DPP10: variants seen among roughly 807,000 people sequenced by gnomAD.
DPP10 encodes the protein inactive dipeptidyl peptidase 10.
Under a neutral mutation model 120.9 loss-of-function variants are expected in DPP10, and 33 were observed. That is an observed-to-expected ratio of 0.27 (90% CI 0.21 to 0.37). DPP10 has a LOEUF of 0.37. DPP10 is among the 10% of genes least tolerant of loss of function. The pLI is 1.00. For missense variants in DPP10, 816 were observed against 942.8 expected, an observed-to-expected ratio of 0.87 and a Z score of 1.76; for synonymous variants, 337 against 326.1, an observed-to-expected ratio of 1.03 and a Z score of -0.36.
chr2:115,769,029 T>A (rs948986351), intron 13 of DPP10, among the ~76,000 whole-genome samples: 1 of 152,068 alleles, frequency 6.6e-6, no homozygotes, highest in Non-Finnish European at 1.5e-5. Context: ...TATACAGTTT[T>A]ATTATAAAAA....
At chr2:115,659,913 C>T (rs1446784739) in intron 5 of DPP10, among the ~76,000 whole-genome samples, 1 of 151,944 alleles carries the variant, frequency 6.6e-6, no homozygotes, top group Non-Finnish European at 1.5e-5. Flanking sequence ...TTTTGTATGC[C>T]ATCACTTCTA....
intron 3 of DPP10, among the ~76,000 whole-genome samples, chr2:115,394,313 A>G: frequency 6.6e-6 from 1 of 152,144 alleles, no homozygotes; most frequent in East Asian, 1.9e-4. Context: ...AATGACTTAC[A>G]TCACATTCCT....
At chr2:115,232,888 C>A (rs1484412164) in intron 1 of DPP10, among the ~76,000 whole-genome samples, 2 of 151,958 alleles carry the variant, frequency 1.3e-5, no homozygotes, top group African/African-American at 4.8e-5. Flanking sequence ...GAACAACTAC[C>A]CCGAGATGCA....
At chr2:115,518,774 A>G (rs760121475) in intron 4 of DPP10, among the ~76,000 whole-genome samples, 2 of 152,158 alleles carry the variant, frequency 1.3e-5, no homozygotes, top group Admixed American at 6.6e-5. Flanking sequence ...TCTTGTAAGT[A>G]TTATGTTACA....
Position 115,612,646 on chromosome 2 carries a change from A to G in DPP10, c.442-77041A>G, listed in dbSNP as rs1029478247. 2.6e-5 allele frequency among the ~76,000 whole-genome samples: 4 copies of G among 152,220 alleles called. No homozygotes were observed. In the East Asian group the frequency reaches 7.7e-4, roughly 29 times the overall value. Reference sequence around the variant, plus strand: ...AGACATACTGGGTATTTGGAATCTCATTTCTGCACTTCTTAGCTATTATGT... The same window carrying G: ...AGACATACTGGGTATTTGGAATCTCGTTTCTGCACTTCTTAGCTATTATGT... On this transcript the variant is annotated intron_variant, in intron 5 of 25. Coordinates refer to ENST00000410059, the MANE Select transcript of DPP10 (RefSeq NM_020868.6).
chr2:114,627,656 G>C (rs1694618272), intron 1 of DPP10, among the ~76,000 whole-genome samples: 1 of 152,168 alleles, frequency 6.6e-6, no homozygotes, highest in East Asian at 1.9e-4. Flanking sequence ...GAAAATATGA[G>C]CTGCAGGGCT....
At chr2:115,633,542 G>T (rs2086070072) in intron 5 of DPP10, among the ~76,000 whole-genome samples, 1 of 151,908 alleles carries the variant, frequency 6.6e-6, no homozygotes, top group African/African-American at 2.4e-5. Context: ...TAACAAACCT[G>T]CACGTTGTAC....
rs536196923 is a variant in DPP10, at chr2:114,687,602, C to A, written c.60+244764C>A. On this transcript the variant is annotated intron_variant, in intron 1 of 25. Transcript: ENST00000410059. ...TAGGACTTATTTTAAAGCTTTCAAC[C>A]ACAGAATCCTAGATTGGATACTAAG... Among the ~76,000 whole-genome samples, 3 of 152,068 alleles carry A rather than the reference C, an allele frequency of 2.0e-5. No individual in the cohort carries two copies. The East Asian group carries it at 5.8e-4, about 30-fold the overall frequency.
At chr2:115,287,827 A>G (rs2060466439) in intron 1 of DPP10, among the ~76,000 whole-genome samples, 1 of 152,132 alleles carries the variant, frequency 6.6e-6, no homozygotes, top group Non-Finnish European at 1.5e-5. Flanking sequence ...TACAAGAAGA[A>G]CTACAAAACA....
chr2:115,841,204 G>C (rs1440514275), intron 25 of DPP10, among the ~76,000 whole-genome samples: 2 of 151,218 alleles, frequency 1.3e-5, no homozygotes, highest in Non-Finnish European at 2.9e-5. Flanking sequence ...AAATATGAGA[G>C]TTTATTATTA....
chr2:115,496,784 A>G (rs1483380524), intron 3 of DPP10, among the ~76,000 whole-genome samples: 2 of 152,132 alleles, frequency 1.3e-5, no homozygotes, highest in East Asian at 1.9e-4. Context: ...TGCAGTAAAG[A>G]AGAGTTTCAG....
intron 1 of DPP10, among the ~76,000 whole-genome samples, chr2:114,630,397 C>T (rs1694832194): frequency 1.3e-5 from 2 of 152,004 alleles, no homozygotes; most frequent in Non-Finnish European, 2.9e-5. Flanking sequence ...ATAATTCCAA[C>T]GTTATAGGAC....
At chr2:114,717,072 A>G (rs1701397088) in intron 1 of DPP10, among the ~76,000 whole-genome samples, 1 of 152,206 alleles carries the variant, frequency 6.6e-6, no homozygotes, top group South Asian at 2.1e-4. Flanking sequence ...TCAATCATCA[A>G]CGCAGTTAAT....
chr2:115,732,746 A>G (rs2092940919), intron 8 of DPP10, among the ~76,000 whole-genome samples: 2 of 152,198 alleles, frequency 1.3e-5, no homozygotes, highest in Admixed American at 1.3e-4. Context: ...AGCATATAGA[A>G]TAATGGAACT....
At chr2:115,414,334 T>C (rs1434828004) in intron 3 of DPP10, among the ~76,000 whole-genome samples, 1 of 152,172 alleles carries the variant, frequency 6.6e-6, no homozygotes, top group South Asian at 2.1e-4. Flanking sequence ...TATCTTCTAG[T>C]TTCCAGCCAG....
chr2:114,929,037 C>A (rs1387306999), intron 1 of DPP10, among the ~76,000 whole-genome samples: 1 of 152,170 alleles, frequency 6.6e-6, no homozygotes, highest in African/African-American at 2.4e-5. Context: ...AGAAATTTTA[C>A]AGCTGGGCCT....
intron 1 of DPP10, among the ~76,000 whole-genome samples, chr2:115,249,069 G>C (rs1188842978): frequency 6.6e-6 from 1 of 152,064 alleles, no homozygotes; most frequent in African/African-American, 2.4e-5. Context: ...TTATGCTGAA[G>C]ATTAAAAATA....
At chr2:114,497,358 TATAC>T (rs1682738593) in intron 1 of DPP10, among the ~76,000 whole-genome samples, 1 of 125,386 alleles carries the variant, frequency 8.0e-6, no homozygotes, top group Non-Finnish European at 1.8e-5. Context: ...CACATGTACA[TATAC>T]ATACACATGT....
chr2:115,572,311 T>G (rs1191299405), intron 5 of DPP10, among the ~76,000 whole-genome samples: 1 of 152,196 alleles, frequency 6.6e-6, no homozygotes, highest in Non-Finnish European at 1.5e-5. Context: ...CGTCTTTTTT[T>G]CTTCTGATGC....
Sources: gnomAD v4.1 joint callset for allele counts (sites outside exome capture counted in the v4.1 genomes callset) on GRCh38, gnomAD v4.1.1 for gene constraint, MANE v1.5 for transcripts, NCBI Gene and HGNC (gene_info 2026-07-23, HGNC 2026-07-21) for gene names.